ANO4: variants seen among roughly 807,000 people sequenced by gnomAD.
The protein encoded by ANO4 is anoctamin-4.
Under a neutral mutation model 141.9 loss-of-function variants are expected in ANO4, and 69 were observed. That is an observed-to-expected ratio of 0.49 (90% confidence interval 0.40 to 0.59). The LOEUF (loss-of-function observed/expected upper bound fraction) is 0.59. Ranked by LOEUF, ANO4 falls within the 20% of genes least tolerant of loss-of-function variation. ANO4 has a pLI of 0.00. For missense variants in ANO4, 894 were observed against 1,162.2 expected, an observed-to-expected ratio of 0.77 and a Z score of 3.36; for synonymous variants, 350 against 394.3, an observed-to-expected ratio of 0.89 and a Z score of 1.33.
intron 8 of ANO4, among the ~76,000 whole-genome samples, chr12:101,005,141 G>T (rs1430221295): frequency 6.6e-6 from 1 of 152,170 alleles, no homozygotes; most frequent in Admixed American, 6.5e-5. Flanking sequence ...ATAAACTTAT[G>T]CAGGGACAAT....
chr12:101,112,818 A>G (rs955848556), intron 24 of ANO4, among the ~76,000 whole-genome samples: 1 of 152,244 alleles, frequency 6.6e-6, no homozygotes, highest in Non-Finnish European at 1.5e-5. Flanking sequence ...AGGCTTCTGT[A>G]AAGTTCTTGA....
intron 3 of ANO4, among the ~76,000 whole-genome samples, chr12:100,755,038 T>A (rs1240256393): frequency 6.6e-6 from 1 of 152,178 alleles, no homozygotes; most frequent in East Asian, 1.9e-4. Flanking sequence ...AAATTTGATG[T>A]TATGTGCATT....
At chr12:100,938,473 G>A (rs1323510386) in intron 3 of ANO4, among the ~76,000 whole-genome samples, 1 of 152,190 alleles carries the variant, frequency 6.6e-6, no homozygotes, top group Admixed American at 6.5e-5. Context: ...GCTTCTGACA[G>A]GTTATAAACC....
chr12:100,924,336 A>G (rs1336990373), intron 3 of ANO4, among the ~76,000 whole-genome samples: 2 of 152,076 alleles, frequency 1.3e-5, no homozygotes, highest in East Asian at 1.9e-4. Flanking sequence ...CCTCCACCTT[A>G]CAGATGGAAC....
intron 5 of ANO4, among the ~76,000 whole-genome samples, chr12:100,957,233 C>A (rs2043207350): frequency 6.6e-6 from 1 of 152,182 alleles, no homozygotes. Flanking sequence ...GGCAGAAGGT[C>A]AAAGTGGAAG....
intron 1 of ANO4, among the ~76,000 whole-genome samples, chr12:100,798,753 A>G (rs1190276268): frequency 6.6e-6 from 1 of 152,228 alleles, no homozygotes; most frequent in Non-Finnish European, 1.5e-5. Flanking sequence ...TATGTTTAGC[A>G]TTTAATTCTC....
intron 16 of ANO4, among the ~76,000 whole-genome samples, chr12:101,084,079 A>G (rs1384995955): frequency 6.6e-6 from 1 of 152,236 alleles, no homozygotes; most frequent in Non-Finnish European, 1.5e-5. Context: ...CTAATCTGAT[A>G]TTCTTTCCTC....
chr12:101,077,292 G>GCTCCCTAC (rs2049060733), intron 14 of ANO4, among the ~76,000 whole-genome samples: 1 of 152,192 alleles, frequency 6.6e-6, no homozygotes, highest in Admixed American at 6.5e-5. Context: ...AGCTTGTCCT[G>GCTCCCTAC]TTTCCTCCCT....
At chr12:100,996,832 A>T (rs149914660) in intron 8 of ANO4, among the ~76,000 whole-genome samples, 2 of 152,218 alleles carry the variant, frequency 1.3e-5, no homozygotes, top group South Asian at 4.1e-4. Context: ...AGTTAAAGCC[A>T]GTAGTGATCA....
rs541406833 is a variant in ANO4 at position 100,858,398 on chromosome 12, C to G, written c.-140-43248C>G. 7.9e-5 allele frequency among the ~76,000 whole-genome samples: 12 copies of G among 152,040 alleles called. No homozygotes were observed. The East Asian group carries it at 2.3e-3, about 29-fold the overall frequency. On this transcript the variant is annotated intron_variant, in intron 1 of 27. Coordinates refer to ENST00000392977, the MANE Select transcript of ANO4 (RefSeq NM_001286615.2). ...TGGGACCGCCATCATATATGTGGTC[C>G]GTCATTATGAGGCTCATGACTGTCT...
At chr12:100,753,347 A>G (rs760733484) in intron 3 of ANO4, among the ~76,000 whole-genome samples, 4 of 152,172 alleles carry the variant, frequency 2.6e-5, no homozygotes, top group Non-Finnish European at 4.4e-5. Context: ...TCTCACGTAC[A>G]TGATCTCTTT....
intron 7 of ANO4, among the ~76,000 whole-genome samples, chr12:100,986,569 G>C (rs541754434): frequency 1.4e-4 from 21 of 152,216 alleles, no homozygotes; most frequent in African/African-American, 4.3e-4. Context: ...CAGTAAATTA[G>C]CCATAACATT....
chr12:100,739,043 T>TTATA (rs3058367), intron 2 of ANO4, among the ~76,000 whole-genome samples: 12 of 146,814 alleles, frequency 8.2e-5, no homozygotes, highest in South Asian at 6.3e-4. Flanking sequence ...CTCTAAATCT[T>TTATA]TATATATATA....
At chr12:100,764,248 A>C (rs1481590923) in intron 3 of ANO4, among the ~76,000 whole-genome samples, 3 of 152,228 alleles carry the variant, frequency 2.0e-5, no homozygotes, top group African/African-American at 4.8e-5. Context: ...GATATGAACT[A>C]CTTAGATTTG....
At chr12:100,894,338 A>C (rs1220745710) in intron 1 of ANO4, among the ~76,000 whole-genome samples, 1 of 152,078 alleles carries the variant, frequency 6.6e-6, no homozygotes, top group Admixed American at 6.5e-5. Context: ...CCCTACTGAG[A>C]CTAAGCAACA....
At chr12:101,114,173 A>G (rs370375840) in intron 24 of ANO4, among the ~76,000 whole-genome samples, 18 of 152,216 alleles carry the variant, frequency 1.2e-4, no homozygotes, top group African/African-American at 2.4e-4. Context: ...TGCTATAACA[A>G]TGGGTCAGTG....
intron 15 of ANO4, among the ~76,000 whole-genome samples, chr12:101,081,031 ATGTG>A (rs59054457): frequency 6.8e-6 from 1 of 148,012 alleles, no homozygotes; most frequent in Non-Finnish European, 1.5e-5. Context: ...GAGTGTGTGT[ATGTG>A]TGTGTGTGTG....
At chr12:100,903,075 T>C (rs1360012576) in intron 2 of ANO4, among the ~76,000 whole-genome samples, 1 of 152,208 alleles carries the variant, frequency 6.6e-6, no homozygotes, top group East Asian at 1.9e-4. Context: ...CTGAAAATAA[T>C]AATTTACTTT....
At chr12:101,126,406 C>G (rs1468922828) in intron 26 of ANO4, among the ~76,000 whole-genome samples, 1 of 152,124 alleles carries the variant, frequency 6.6e-6, no homozygotes, top group South Asian at 2.1e-4. Context: ...TCCCTAGGCC[C>G]ACTGATAATT....
Sources: allele counts gnomAD v4.1 joint callset (sites outside exome capture counted in the v4.1 genomes callset), GRCh38; gene constraint gnomAD v4.1.1; transcripts MANE v1.5; gene names NCBI Gene and HGNC (gene_info 2026-07-23, HGNC 2026-07-21).